Variants in CPNE9 observed in about 807,000 individuals in gnomAD.
CPNE9 encodes copine-9.
In CPNE9, 59 loss-of-function variants were observed where a neutral mutation model predicts 83.0. That is an observed-to-expected ratio of 0.71 (90% CI 0.58 to 0.88). The LOEUF (loss-of-function observed/expected upper bound fraction) is 0.88, where lower values mean the gene tolerates loss of function less well. CPNE9 is among the 40% of genes least tolerant of loss of function. The pLI is 0.00. For missense variants in CPNE9, 619 were observed against 720.8 expected (o/e 0.86, Z 1.62); for synonymous variants, 256 against 273.4 (o/e 0.94, Z 0.63).
chr3:9,715,099 T>TC lies in CPNE9; in HGVS notation c.692+150dup, dbSNP rs546671159. On this transcript the variant is annotated intron_variant, in intron 11 of 20. Transcript: ENST00000383832. ...ACACCAGTGTCTTGGGTACAACTGA[T>TC]CCCCCCAATTGTCTCTCTGGACACT... The TC allele has an allele frequency of 2.3e-4, 205 of 909,574 alleles. 2 individuals are homozygous for TC. In the African/African-American group the frequency reaches 3.0e-3, roughly 13 times the overall value. The allele number at this position is 909,574 out of a possible 1,614,324, so 56.3% of individuals were successfully genotyped here.
chr3:9,717,983 G>C, intron 15 of CPNE9, 46 bp from the exon 16 acceptor site: 1 of 1,508,922 alleles, frequency 6.6e-7, no homozygotes, highest in South Asian at 1.2e-5. Context: ...GTGAACAGAT[G>C]GATGATCCAG....
At chr3:9,729,340 A>G (rs2076809550) in intron 20 of CPNE9, among the ~76,000 whole-genome samples, 167 bp from the exon 21 acceptor site, 2 of 152,146 alleles carry the variant, frequency 1.3e-5, no homozygotes, top group African/African-American at 4.8e-5. Context: ...TGGAAAAAAA[A>G]GTGGGTGGAG....
Position 9,718,073 on chromosome 3 carries a change from C to T in CPNE9, c.976C>T (p.Gln326Ter). 6.2e-7 allele frequency: 1 copy of T among 1,614,036 alleles called. No individual in the cohort carries two copies. The highest frequency in any genetic ancestry group is 8.5e-7 in the Non-Finnish European group (1 of 1,179,960). The change falls in exon 16 of 21, where the codon CAG becomes TAG. Residue 326 changes from glutamine (Q) to a stop codon, truncating the protein, a stop_gained. Coordinates refer to ENST00000383832, the MANE Select transcript of CPNE9 (RefSeq NM_153635.3). LOFTEE classifies it high-confidence loss of function. ...CTCCCTGCACTACATGAGTCCCTACCAGCTCAGCGCCTATGCCATGGCCCT... is the reference window on the plus strand; with the variant it reads ...CTCCCTGCACTACATGAGTCCCTACTAGCTCAGCGCCTATGCCATGGCCCT... ...PTSLHYMSPY[Q>*]LSAYAMALKA...
chr3:9,715,683 GT>G (rs1182078268), intron 13 of CPNE9, among the ~76,000 whole-genome samples, 157 bp downstream of exon 13: 1 of 151,764 alleles, frequency 6.6e-6, no homozygotes, highest in Non-Finnish European at 1.5e-5. Flanking sequence ...GTTTTTCTTT[GT>G]TTTTTTTCTC....
At chr3:9,716,971 G>A (rs774884821) in intron 14 of CPNE9, 87 bp from the exon 15 acceptor site, 49 of 1,386,052 alleles carry the variant, frequency 3.5e-5, no homozygotes, top group African/African-American at 5.7e-5. Flanking sequence ...TGAGCCCCAC[G>A]TGATCCATAT....
intron 7 of CPNE9, among the ~76,000 whole-genome samples, chr3:9,710,890 T>G (rs1382107281): frequency 6.6e-6 from 1 of 151,978 alleles, no homozygotes; most frequent in African/African-American, 2.4e-5. Flanking sequence ...ATTAGCCAGG[T>G]GTAGTGTGTG....
rs1254067890 is a variant in CPNE9 at position 9,704,278 on chromosome 3, G to C, written c.68+214G>C. On this transcript the variant is annotated intron_variant, in intron 1 of 20. Transcript: ENST00000383832. This position sits in a 1 kb window ranked among gnomAD's most constrained non-coding sequence, Gnocchi z 7.1. ...AAAAAGGGCTCAGCCTGCGGGTTCA[G>C]GGGGTGGGTCGCAGATATCCGGTAG... Among the ~76,000 whole-genome samples, 2 of 152,230 alleles carry C rather than the reference G, an allele frequency of 1.3e-5. No individual in the cohort carries two copies. The highest frequency in any genetic ancestry group is 2.9e-5 in the Non-Finnish European group (2 of 68,034).
intron 19 of CPNE9, among the ~76,000 whole-genome samples, 180 bp from the exon 20 acceptor site, chr3:9,726,933 G>C (rs2076789884): frequency 6.6e-6 from 1 of 152,174 alleles, no homozygotes; most frequent in South Asian, 2.1e-4. Flanking sequence ...TGGGAGGATG[G>C]ACTGCCTGGG....
intron 7 of CPNE9, among the ~76,000 whole-genome samples, chr3:9,711,214 T>G (rs555150970): frequency 6.6e-6 from 1 of 152,144 alleles, no homozygotes; most frequent in East Asian, 1.9e-4. Flanking sequence ...TATTTATTTA[T>G]TTTTTTGAGA....
Position 9,715,498 on chromosome 3 carries a change from A to G in CPNE9, c.794A>G (p.Lys265Arg), listed in dbSNP as rs772789993. Residue 265 changes from lysine to arginine, a missense_variant, in exon 13 of 21, where the codon AAG (lysine) becomes AGG (arginine). Physicochemically the swap from Lys to Arg is conservative, Grantham distance 26. Around this residue, in one of 3 missense-constraint regions of CPNE9, gnomAD observed 438 missense variants for 562.9 expected, o/e 0.78. Coordinates refer to ENST00000383832, the MANE Select transcript of CPNE9 (RefSeq NM_153635.3). Reference sequence around the variant, plus strand: ...GTTCTTAACCCTCGGAAGAAATGTAAGAAGAAGAAATATGTCAACTCAGGA... The same window carrying G: ...GTTCTTAACCCTCGGAAGAAATGTAGGAAGAAGAAATATGTCAACTCAGGA... ...YEVLNPRKKC[K>R]KKKYVNSGTV... The G allele has an allele frequency of 6.2e-7, 1 of 1,613,998 alleles. No individual in the cohort carries two copies. The highest frequency in any genetic ancestry group is 8.5e-7 in the Non-Finnish European group (1 of 1,179,880).
chr3:9,724,784 C>T, intron 17 of CPNE9, among the ~76,000 whole-genome samples: 1 of 151,948 alleles, frequency 6.6e-6, no homozygotes, highest in South Asian at 2.1e-4. Flanking sequence ...GAGACGGAGT[C>T]TCGCTCTTGT....
rs1198685666 is a variant in CPNE9 at position 9,723,569 on chromosome 3, T to C, written c.1242-2380T>C. 2.6e-5 allele frequency among the ~76,000 whole-genome samples: 4 copies of C among 152,332 alleles called. No individual in the cohort carries two copies. In the East Asian group the frequency reaches 7.7e-4, roughly 29 times the overall value. ...ATTTTATTTTATTATTTTACTTTTA[T>C]TTTTATTTCAGTTGGGGTCTTACTC... is the stretch of plus-strand genomic sequence containing the variant. On this transcript the variant is annotated intron_variant, in intron 17 of 20. Coordinates refer to ENST00000383832, the MANE Select transcript of CPNE9 (RefSeq NM_153635.3).
At chr3:9,705,162 G>A in intron 4 of CPNE9, 168 bp downstream of exon 4, 2 of 656,690 alleles carry the variant, frequency 3.0e-6, no homozygotes, top group Admixed American at 4.4e-5. Context: ...ATGAGATGCG[G>A]TCCAGTTCCG....
At chr3:9,724,049 C>CTATT (rs1478601010) in intron 17 of CPNE9, among the ~76,000 whole-genome samples, 1 of 152,174 alleles carries the variant, frequency 6.6e-6, no homozygotes, top group Non-Finnish European at 1.5e-5. Flanking sequence ...ATGTTTAACT[C>CTATT]TATTTAATTA....
intron 20 of CPNE9, 105 bp from the exon 21 acceptor site, chr3:9,729,402 T>C (rs2076809889): frequency 6.9e-7 from 1 of 1,439,850 alleles, no homozygotes; most frequent in South Asian, 1.5e-5. Context: ...GATACTGTGA[T>C]AGTTGGAAAG....
chr3:9,704,958 A>G lies in CPNE9; in HGVS notation c.224A>G (p.Tyr75Cys). 6.2e-7 allele frequency: 1 copy of G among 1,613,142 alleles called. No individual in the cohort carries two copies. Among genetic ancestry groups the G allele is most frequent in the Non-Finnish European group, 8.5e-7 (1 of 1,179,842 alleles). ...TTCGTGCGCAAATTCGTCCTCGACT[A>G]TTTCTTTGAGGAAAAGCAAAATCTG... ...PDFVRKFVLD[Y>C]FFEEKQNLRF... is the part of the protein sequence containing the mutation. The change falls in exon 4 of 21, where the codon TAT becomes TGT. Residue 75 changes from tyrosine (Y) to cysteine (C), a missense_variant. By Grantham distance (194) the Tyr-to-Cys change is radical. Transcript: ENST00000383832. The surrounding 1 kb of genome is among the most constrained non-coding windows in gnomAD (Gnocchi z 7.1).
chr3:9,716,099 C>T (rs1332410207), intron 14 of CPNE9, 64 bp downstream of exon 14: 17 of 1,435,992 alleles, frequency 1.2e-5, no homozygotes, highest in Non-Finnish European at 1.4e-5. Flanking sequence ...TTCTGAGCCC[C>T]AGGTTTCTTA....
intron 19 of CPNE9, 50 bp downstream of exon 19, chr3:9,726,772 G>C: frequency 6.5e-7 from 1 of 1,543,864 alleles, no homozygotes. Context: ...AAGGAGAAAA[G>C]TGGGAGGGGG....
At chr3:9,725,574 ATATATATATGTG>A (rs1391523081) in intron 17 of CPNE9, among the ~76,000 whole-genome samples, 7 of 150,394 alleles carry the variant, frequency 4.7e-5, no homozygotes, top group Non-Finnish European at 1.0e-4. Flanking sequence ...GTATGGATAT[ATATATATATGTG>A]TATATATATG....
Sources: gnomAD v4.1 joint callset for allele counts (sites outside exome capture counted in the v4.1 genomes callset) on GRCh38, gnomAD v4.1.1 for gene constraint, gnomAD v4.1.1 regional missense constraint, Gnocchi (gnomAD v3.1) non-coding constraint, MANE v1.5 for transcripts, NCBI Gene and HGNC (gene_info 2026-07-23, HGNC 2026-07-21) for gene names.